SQSTM1: variants seen among roughly 807,000 people sequenced by gnomAD.
SQSTM1 encodes the protein sequestosome-1.
In SQSTM1, 36 loss-of-function variants were observed where a neutral mutation model predicts 45.1. That is an observed-to-expected ratio of 0.80 (90% confidence interval 0.61 to 1.05). The LOEUF (loss-of-function observed/expected upper bound fraction) is 1.05, where lower values mean the gene tolerates loss of function less well. Ranked by LOEUF, SQSTM1 falls within the 50% of genes least tolerant of loss-of-function variation. The pLI, the probability that SQSTM1 is intolerant of heterozygous loss-of-function variation, is 0.00. For missense variants in SQSTM1, 617 were observed against 607.1 expected, an observed-to-expected ratio of 1.02 and a Z score of -0.17; for synonymous variants, 290 against 244.3, an observed-to-expected ratio of 1.19 and a Z score of -1.74.
intron 1 of SQSTM1, among the ~76,000 whole-genome samples, chr5:179,810,751 A>G (rs1319010326): frequency 1.3e-5 from 2 of 152,166 alleles, no homozygotes; most frequent in African/African-American, 4.8e-5. Context: ...AAGCATTCCT[A>G]TTTCTCCACA....
intron 2 of SQSTM1, 97 bp downstream of exon 2, chr5:179,823,150 G>A: frequency 1.7e-6 from 2 of 1,158,830 alleles, no homozygotes; most frequent in Non-Finnish European, 2.5e-6. Flanking sequence ...CCAATGAAGG[G>A]GTCAGCAATT....
Position 179,837,187 on chromosome 5 carries a change from G to A in SQSTM1, c.*594G>A. 6.5e-7 allele frequency: 1 copy of A among 1,531,650 alleles called. No individual in the cohort carries two copies. The allele number at this position is 1,531,650 out of a possible 1,614,324, so 94.9% of individuals were successfully genotyped here. A position where few individuals can be genotyped will look rare whatever the true frequency, so the allele number is the denominator to read the frequency against. ...AAACCATCAGCTGCTTTTAAAATAA[G>A]ATCTCTTTGTAGCCATCCTGTTAAA... is the stretch of plus-strand genomic sequence containing the variant. On this transcript the variant is annotated 3_prime_UTR_variant, in exon 8 of 8. Coordinates refer to ENST00000389805, the MANE Select transcript of SQSTM1 (RefSeq NM_003900.5).
chr5:179,832,590 C>T (rs1334811258), intron 5 of SQSTM1, among the ~76,000 whole-genome samples: 1 of 152,374 alleles, frequency 6.6e-6, no homozygotes, highest in African/African-American at 2.4e-5. Context: ...TACTTAGGGC[C>T]TGGCCCCACC....
At position 179,833,712 on chromosome 5, in the gene SQSTM1, C is replaced by A; in HGVS notation, c.1095C>A (p.Ser365Arg). The change falls in exon 7 of 8, where the codon AGC becomes AGA. Residue 365 changes from serine (S) to arginine (R), a missense_variant. Ser to Arg is a moderately radical substitution (Grantham distance 110). Coordinates refer to ENST00000389805, the MANE Select transcript of SQSTM1 (RefSeq NM_003900.5). Reference protein sequence around the residue: ...SLQMPESEGPSSLDPSQEGPT... With the variant: ...SLQMPESEGPRSLDPSQEGPT... ...AGATGCCAGAATCCGAAGGGCCAAGCTCTCTGGACCCCTCCCAGGAGGGAC... is the reference window on the plus strand; with the variant it reads ...AGATGCCAGAATCCGAAGGGCCAAGATCTCTGGACCCCTCCCAGGAGGGAC... 6.2e-7 allele frequency: 1 copy of A among 1,614,202 alleles called. No homozygotes were observed. Among genetic ancestry groups the A allele is most frequent in the Non-Finnish European group, 8.5e-7 (1 of 1,180,040 alleles).
Position 179,806,642 on chromosome 5 carries a change from G to C in SQSTM1, c.-157+51G>C. On this transcript the variant is annotated intron_variant, in intron 1 of 5. Transcript: ENST00000514093. This position sits in a 1 kb window ranked among gnomAD's most constrained non-coding sequence, Gnocchi z 4.6. ...GAGGCTGCATGGCCCGGGGGACCGGGGCCGGGGCGCAGGGGTCGGAAGGCG... is the reference window on the plus strand; with the variant it reads ...GAGGCTGCATGGCCCGGGGGACCGGCGCCGGGGCGCAGGGGTCGGAAGGCG... 1.0e-6 allele frequency: 1 copy of C among 975,814 alleles called. No individual in the cohort carries two copies. Among genetic ancestry groups the C allele is most frequent in the Non-Finnish European group, 1.3e-6 (1 of 792,760 alleles). 60.4% of individuals were successfully genotyped at this position (975,814 alleles called of 1,614,324 possible).
In SQSTM1 at chr5:179,837,445, G is replaced by A; in HGVS notation, c.*852G>A. The A allele has an allele frequency of 6.2e-7, 1 of 1,610,484 alleles. No homozygotes were observed. Among genetic ancestry groups the A allele is most frequent in the South Asian group, 1.1e-5 (1 of 90,882 alleles). ...TTATAAAGAGGTCACATAGTCGTGT[G>A]GGTCGAGGATTCTGTGCCTCCAGGA... On this transcript the variant is annotated 3_prime_UTR_variant, in exon 8 of 8. Transcript: ENST00000389805.
intron 2 of SQSTM1, chr5:179,812,280 C>CT (rs1051452435): frequency 6.7e-6 from 1 of 149,342 alleles, no homozygotes; most frequent in South Asian, 2.1e-4. Flanking sequence ...CCTCGGGCTC[C>CT]TTCCAGGGCA....
chr5:179,806,511 A>G lies in SQSTM1; in HGVS notation c.-237A>G. The G allele has an allele frequency of 2.3e-6, 3 of 1,330,666 alleles. No homozygotes were observed. The highest frequency in any genetic ancestry group is 2.0e-6 in the Non-Finnish European group (2 of 1,015,274). 82.4% of individuals were successfully genotyped at this position (1,330,666 alleles called of 1,614,324 possible). On this transcript the variant is annotated 5_prime_UTR_variant, in exon 1 of 6. Transcript: ENST00000514093. The surrounding 1 kb of genome is among the most constrained non-coding windows in gnomAD (Gnocchi z 4.6). The stretch of plus-strand genomic sequence containing the variant: ...CCTTTCTGGCCGCTGAGTGCCGCGT[A>G]CCAGGACAGCGAGAGGAAGGCGCAC...
intron 1 of SQSTM1, chr5:179,822,709 C>A (rs572267029): frequency 3.7e-6 from 2 of 534,198 alleles, no homozygotes; most frequent in Non-Finnish European, 3.4e-6. Context: ...AGCTGCTGCC[C>A]CTGTGCACAG....
rs1433405228 is a variant in SQSTM1, at chr5:179,837,296, G to A, written c.*703G>A. On this transcript the variant is annotated 3_prime_UTR_variant, in exon 8 of 8. Transcript: ENST00000389805. Reference sequence around the variant, plus strand: ...AGAAATGATTGACAGTAAGTTTATTGTTAATGGTTCTTACAGAGTATCTTT... The same window carrying A: ...AGAAATGATTGACAGTAAGTTTATTATTAATGGTTCTTACAGAGTATCTTT... 6.8e-6 allele frequency: 11 copies of A among 1,606,566 alleles called. No homozygotes were observed. The highest frequency in any genetic ancestry group is 6.7e-5 in the African/African-American group (5 of 74,624).
chr5:179,820,952 G>A lies in SQSTM1; in HGVS notation c.16G>A (p.Val6Met). The A allele has an allele frequency of 1.9e-6, 3 of 1,564,526 alleles. No homozygotes were observed. The highest frequency in any genetic ancestry group is 1.1e-5 in the South Asian group (1 of 87,190). Residue 6 changes from valine to methionine, a missense_variant, in exon 1 of 8, where the codon GTG becomes ATG. Transcript: ENST00000389805. MASLT[V>M]KAYLLGKEDA... ...GCCGCTCGCTATGGCGTCGCTCACC[G>A]TGAAGGCCTACCTTCTGGGCAAGGA...
intron 5 of SQSTM1, among the ~76,000 whole-genome samples, chr5:179,828,690 A>C (rs535719814): frequency 9.9e-5 from 15 of 152,260 alleles, no homozygotes; most frequent in Admixed American, 8.5e-4. Context: ...ACCTTTTCAT[A>C]ATCACAAGTT....
At chr5:179,833,979 G>A (rs1758372340) in intron 7 of SQSTM1, among the ~76,000 whole-genome samples, 197 bp downstream of exon 7, 1 of 152,146 alleles carries the variant, frequency 6.6e-6, no homozygotes, top group African/African-American at 2.4e-5. Context: ...TGCTAATGCA[G>A]TTCTGAAAAT....
intron 5 of SQSTM1, among the ~76,000 whole-genome samples, chr5:179,832,044 A>G (rs1034726139): frequency 6.6e-6 from 1 of 152,178 alleles, no homozygotes; most frequent in African/African-American, 2.4e-5. Flanking sequence ...CGGCCTCCCA[A>G]AGTGCTGGGA....
chr5:179,817,394 T>A (rs1757616614), upstream of SQSTM1, among the ~76,000 whole-genome samples: 1 of 152,078 alleles, frequency 6.6e-6, no homozygotes, highest in African/African-American at 2.4e-5. Context: ...AGTGGCCATG[T>A]CCCCCGGCAT....
At chr5:179,809,325 ATTTTTTTT>A (rs71001049) in intron 1 of SQSTM1, among the ~76,000 whole-genome samples, 17 of 41,074 alleles carry the variant, frequency 4.1e-4, no homozygotes, top group East Asian at 1.5e-3. Context: ...CGCCTGGCTA[ATTTTTTTT>A]TTTTTTTTTT....
Position 179,831,243 on chromosome 5 carries a change from G to GA in SQSTM1, c.755-1788dup, listed in dbSNP as rs1328605570. Reference sequence around the variant, plus strand: ...GAGCTGCCAGTCCTGGCTGGAACAGGAGGCTGCACAGCAAGCGGCACTCTC... The same window carrying GA: ...GAGCTGCCAGTCCTGGCTGGAACAGGAAGGCTGCACAGCAAGCGGCACTCTC... On this transcript the variant is annotated intron_variant, in intron 5 of 7. Transcript: ENST00000389805. 2.6e-5 allele frequency among the ~76,000 whole-genome samples: 4 copies of GA among 152,224 alleles called. No homozygotes were observed. The South Asian group carries it at 6.2e-4, about 24-fold the overall frequency.
At chr5:179,832,725 G>T (rs559442011) in intron 5 of SQSTM1, among the ~76,000 whole-genome samples, 1 of 152,314 alleles carries the variant, frequency 6.6e-6, no homozygotes, top group East Asian at 1.9e-4. Flanking sequence ...GAAAGGTCCA[G>T]TATCATGGGC....
chr5:179,838,021 C>G lies in SQSTM1; in HGVS notation c.*1428C>G, dbSNP rs1399331692. The G allele has an allele frequency of 1.4e-5, 11 of 812,610 alleles. 1 individual carries two copies. The highest frequency in any genetic ancestry group is 1.2e-4 in the Admixed American group (4 of 34,690). 50.3% of individuals were successfully genotyped at this position (812,610 alleles called of 1,614,324 possible). On this transcript the variant is annotated 3_prime_UTR_variant, in exon 8 of 8. Coordinates refer to ENST00000389805, the MANE Select transcript of SQSTM1 (RefSeq NM_003900.5). ...CTGGAAGCTGTCAGGCTGGGACAGG[C>G]TTTGATTTTGAGGGTTAGCAAGACA...
Sources: allele counts gnomAD v4.1 joint callset (sites outside exome capture counted in the v4.1 genomes callset), GRCh38; gene constraint gnomAD v4.1.1; non-coding constraint Gnocchi (gnomAD v3.1); transcripts MANE v1.5; gene names NCBI Gene and HGNC (gene_info 2026-07-23, HGNC 2026-07-21).